The following DGKD variants were observed in gnomAD, a reference collection of about 807,000 sequenced individuals.
DGKD encodes the protein DAG kinase delta.
Under a neutral mutation model 154.4 loss-of-function variants are expected in DGKD, and 68 were observed. The ratio of observed to expected loss-of-function variants is 0.44; its 90% CI spans 0.36 to 0.54. The LOEUF (loss-of-function observed/expected upper bound fraction) is 0.54. Ranked by LOEUF, DGKD falls within the 20% of genes least tolerant of loss-of-function variation. The probability of loss-of-function intolerance (pLI) is 0.00; values close to 1 mark genes in which losing one functional copy is unlikely to be tolerated. For synonymous variants in DGKD, 693 were observed against 638.0 expected, an observed-to-expected ratio of 1.09 and a Z score of -1.30; for missense variants, 1,343 against 1,593.6, an observed-to-expected ratio of 0.84 and a Z score of 2.68.
chr2:233,448,990 A>G (rs2063178144), intron 14 of DGKD, 113 bp from the exon 15 acceptor site: 1 of 1,351,052 alleles, frequency 7.4e-7, no homozygotes, highest in African/African-American at 1.5e-5. Flanking sequence ...GAGAGTTAGG[A>G]TTTTCCTTTT....
intron 2 of DGKD, chr2:233,388,647 ATCTC>A (rs535242303): frequency 3.8e-6 from 1 of 266,454 alleles, no homozygotes; most frequent in Non-Finnish European, 7.0e-6. Context: ...ACAGCTGGAT[ATCTC>A]TCTCTCAGAA....
chr2:233,405,509 ACT>A (rs1314728128), intron 3 of DGKD, among the ~76,000 whole-genome samples: 12 of 151,160 alleles, frequency 7.9e-5, no homozygotes, highest in Non-Finnish European at 7.4e-5. Flanking sequence ...CAAGAGTGAA[ACT>A]CTGTCTAAAA....
chr2:233,454,229 T>C, intron 18 of DGKD: 1 of 363,466 alleles, frequency 2.8e-6, no homozygotes, highest in Non-Finnish European at 5.6e-6. Flanking sequence ...CATCCCAGTG[T>C]CCGTCTGCTG....
chr2:233,449,094 C>G lies in DGKD; in HGVS notation c.1615-9C>G. ...TCAGCTCTGCATGCCATTTCCTTTC[C>G]TTGTTCAGTGCTCTGTCCTGAAAGA... On this transcript the variant is annotated splice_polypyrimidine_tract_variant and intron_variant, in intron 14 of 29. Coordinates refer to ENST00000264057, the MANE Select transcript of DGKD (RefSeq NM_152879.3). This position sits in a 1 kb window ranked among gnomAD's most constrained non-coding sequence, Gnocchi z 5.3. 1 of 1,580,296 alleles carries G rather than the reference C, an allele frequency of 6.3e-7. No individual in the cohort carries two copies. Among genetic ancestry groups the G allele is most frequent in the Non-Finnish European group, 8.7e-7 (1 of 1,154,812 alleles).
chr2:233,393,050 T>C (rs1302444547), intron 3 of DGKD, among the ~76,000 whole-genome samples: 5 of 152,250 alleles, frequency 3.3e-5, no homozygotes. Context: ...GGAATCTTGC[T>C]CTGTTGCCCA....
At chr2:233,386,603 C>T (rs1008745250) in intron 1 of DGKD, among the ~76,000 whole-genome samples, 1 of 152,080 alleles carries the variant, frequency 6.6e-6, no homozygotes, top group African/African-American at 2.4e-5. Flanking sequence ...CATCAGAATG[C>T]TTGATCGTTG....
chr2:233,434,292 C>T lies in DGKD; in HGVS notation c.349-88C>T, dbSNP rs543778517. 5.3e-6 allele frequency: 5 copies of T among 949,306 alleles called. No homozygotes were observed. The South Asian group carries it at 6.2e-5, about 12-fold the overall frequency. The allele number at this position is 949,306 out of a possible 1,614,324, so 58.8% of individuals were successfully genotyped here. On this transcript the variant is annotated intron_variant, in intron 3 of 29. Coordinates refer to ENST00000264057, the MANE Select transcript of DGKD (RefSeq NM_152879.3). ...CTGAATGAAATAGTAATTTTTATGT[C>T]TGTGTGAGGTCGGTTTTAAGAAAGC...
At chr2:233,462,272 C>T (rs1026186825) in intron 24 of DGKD, 76 bp from the exon 25 acceptor site, 39 of 1,209,098 alleles carry the variant, frequency 3.2e-5, no homozygotes, top group East Asian at 1.4e-4. Flanking sequence ...GTACCTGGGC[C>T]GTGTTCAGAT....
intron 3 of DGKD, among the ~76,000 whole-genome samples, chr2:233,423,841 G>A (rs2062202277): frequency 6.6e-6 from 1 of 152,164 alleles, no homozygotes; most frequent in Non-Finnish European, 1.5e-5. Context: ...GTTTTCGGCT[G>A]CTGCTTCTTT....
intron 26 of DGKD, chr2:233,463,855 A>C (rs1032786407): frequency 1.1e-5 from 4 of 353,930 alleles, no homozygotes; most frequent in Non-Finnish European, 2.1e-5. Context: ...CAGCATTTCC[A>C]CTGCTTGACA....
At chr2:233,455,923 A>G (rs942929663) in intron 19 of DGKD, among the ~76,000 whole-genome samples, 10 of 152,374 alleles carry the variant, frequency 6.6e-5, no homozygotes, top group African/African-American at 2.4e-4. Context: ...ATCCCTGTAC[A>G]GCACAGGATG....
intron 3 of DGKD, among the ~76,000 whole-genome samples, chr2:233,423,519 G>C (rs1408774507): frequency 6.6e-6 from 1 of 152,112 alleles, no homozygotes; most frequent in Non-Finnish European, 1.5e-5. Flanking sequence ...AGTATCTTCT[G>C]TGTGCTTATT....
chr2:233,434,765 C>T lies in DGKD; in HGVS notation c.454-4C>T. 1.2e-6 allele frequency: 2 copies of T among 1,601,024 alleles called. No homozygotes were observed. Among genetic ancestry groups the T allele is most frequent in the Non-Finnish European group, 8.5e-7 (1 of 1,174,360 alleles). ...TCTTTGCCCTCTTGGTTTCGTTCTT[C>T]CAGCCCACCCAGTACAGCATGGACC... On this transcript the variant is annotated splice_polypyrimidine_tract_variant and splice_region_variant and intron_variant, in intron 4 of 29. Coordinates refer to ENST00000264057, the MANE Select transcript of DGKD (RefSeq NM_152879.3).
In DGKD at chr2:233,445,299, G is replaced by A. The variant is rs1310151361; in HGVS notation, c.1195-324G>A. Among the ~76,000 whole-genome samples the A allele has an allele frequency of 6.6e-6, 1 of 152,130 alleles. No homozygotes were observed. The highest frequency in any genetic ancestry group is 1.5e-5 in the Non-Finnish European group (1 of 68,026). On this transcript the variant is annotated intron_variant, in intron 10 of 29. Coordinates refer to ENST00000264057, the MANE Select transcript of DGKD (RefSeq NM_152879.3). This position sits in a 1 kb window ranked among gnomAD's most constrained non-coding sequence, Gnocchi z 5.5. ...CGGTGGTGAAAATGGGAAGCAGAGG[G>A]ATTTGGGAGACAGATCAGAGAGGGT...
chr2:233,401,302 C>G (rs528834905), intron 3 of DGKD, among the ~76,000 whole-genome samples: 6 of 152,166 alleles, frequency 3.9e-5, no homozygotes, highest in Non-Finnish European at 8.8e-5. Context: ...TAGGCACTTA[C>G]TGATTATTCA....
At chr2:233,467,726 C>G (rs2063867980) in intron 28 of DGKD, among the ~76,000 whole-genome samples, 1 of 152,198 alleles carries the variant, frequency 6.6e-6, no homozygotes, top group Non-Finnish European at 1.5e-5. Flanking sequence ...AAGGATCAGC[C>G]CTGAATACCC....
intron 3 of DGKD, among the ~76,000 whole-genome samples, chr2:233,424,504 C>CA (rs1267329475): frequency 6.6e-6 from 1 of 152,234 alleles, no homozygotes; most frequent in Non-Finnish European, 1.5e-5. Flanking sequence ...CCAAGCCAGT[C>CA]ACCCTGCCAA....
At chr2:233,386,624 G>T (rs1224768334) in intron 1 of DGKD, among the ~76,000 whole-genome samples, 1 of 152,084 alleles carries the variant, frequency 6.6e-6, no homozygotes, top group African/African-American at 2.4e-5. Context: ...GATAATGTTG[G>T]GCTCCTCTCT....
chr2:233,392,181 T>C (rs1466872444), intron 3 of DGKD: 1 of 152,138 alleles, frequency 6.6e-6, no homozygotes, highest in African/African-American at 2.4e-5. Flanking sequence ...TGCACCGTTA[T>C]GCCCAGATAA....
Sources: allele counts gnomAD v4.1 joint callset (sites outside exome capture counted in the v4.1 genomes callset), GRCh38; gene constraint gnomAD v4.1.1; non-coding constraint Gnocchi (gnomAD v3.1); transcripts MANE v1.5; gene names NCBI Gene and HGNC (gene_info 2026-07-23, HGNC 2026-07-21).